Variants in BRINP3 observed in about 807,000 individuals in gnomAD.
BRINP3 encodes BMP/retinoic acid inducible neural specific 3.
A neutral mutation model predicts 71.0 loss-of-function variants in BRINP3; 19 were observed. The ratio of observed to expected loss-of-function variants is 0.27; its 90% CI spans 0.19 to 0.39. BRINP3 has a LOEUF of 0.39. Among genes scored for constraint, BRINP3 ranks in the 10% least tolerant of loss-of-function variants. The pLI is 1.00. For synonymous variants in BRINP3, 380 were observed against 337.7 expected, an observed-to-expected ratio of 1.13 and a Z score of -1.37; for missense variants, 959 against 940.8, an observed-to-expected ratio of 1.02 and a Z score of -0.25.
intron 6 of BRINP3, among the ~76,000 whole-genome samples, chr1:190,177,474 G>T (rs186490220): frequency 6.6e-6 from 1 of 151,368 alleles, no homozygotes; most frequent in African/African-American, 2.4e-5. Context: ...CACCACGCCC[G>T]GCCCGGGAGC....
intron 2 of BRINP3, among the ~76,000 whole-genome samples, chr1:190,336,868 TTCCC>T (rs1459555233): frequency 2.2e-5 from 3 of 137,232 alleles, no homozygotes; most frequent in Non-Finnish European, 4.7e-5. Context: ...CCTTCCTTCC[TTCCC>T]TCCTTCCTTC....
chr1:190,385,558 A>G (rs1035591688), intron 2 of BRINP3, among the ~76,000 whole-genome samples: 1 of 151,866 alleles, frequency 6.6e-6, no homozygotes, highest in Non-Finnish European at 1.5e-5. Flanking sequence ...TTAGAATGGC[A>G]ATCATTAAAA....
intron 6 of BRINP3, among the ~76,000 whole-genome samples, chr1:190,193,527 T>C (rs1464027591): frequency 6.6e-6 from 1 of 152,058 alleles, no homozygotes. Context: ...AAAATACATG[T>C]ACTAATCCCT....
At chr1:190,135,711 G>A (rs1274208202) in intron 7 of BRINP3, among the ~76,000 whole-genome samples, 2 of 152,018 alleles carry the variant, frequency 1.3e-5, no homozygotes, top group African/African-American at 4.8e-5. Context: ...TCATGATTTT[G>A]TAAAGGGGTA....
intron 4 of BRINP3, among the ~76,000 whole-genome samples, chr1:190,234,792 G>A (rs1658360274): frequency 6.6e-6 from 1 of 152,074 alleles, no homozygotes; most frequent in African/African-American, 2.4e-5. Context: ...ACTCCTTATG[G>A]AAGACAGCGA....
At chr1:190,135,891 A>G (rs189130673) in intron 7 of BRINP3, among the ~76,000 whole-genome samples, 175 of 152,186 alleles carry the variant, frequency 1.1e-3, no homozygotes, top group Non-Finnish European at 2.0e-3. Flanking sequence ...TAACTCTCTT[A>G]TCTCTATACC....
chr1:190,334,461 GT>G (rs1451181549), intron 2 of BRINP3, among the ~76,000 whole-genome samples: 7 of 151,580 alleles, frequency 4.6e-5, no homozygotes, highest in African/African-American at 1.7e-4. Flanking sequence ...TAATTTTCAG[GT>G]TTTGTTGTAT....
intron 7 of BRINP3, among the ~76,000 whole-genome samples, chr1:190,148,457 G>A (rs1048381593): frequency 2.6e-5 from 4 of 151,620 alleles, no homozygotes; most frequent in African/African-American, 4.8e-5. Context: ...CTAGCCGGGC[G>A]TGGTGGCGGG....
intron 2 of BRINP3, among the ~76,000 whole-genome samples, chr1:190,306,779 G>A (rs573718938): frequency 1.3e-4 from 20 of 151,824 alleles, no homozygotes; most frequent in Middle Eastern, 3.4e-3. Context: ...AAGAGACCAG[G>A]GAAAAGTGGG....
intron 6 of BRINP3, among the ~76,000 whole-genome samples, chr1:190,168,174 A>G (rs1475624762): frequency 6.6e-6 from 1 of 151,708 alleles, no homozygotes; most frequent in East Asian, 1.9e-4. Context: ...GCATTGACAA[A>G]TACATGACCA....
chr1:190,281,781 T>G (rs1285328082), intron 2 of BRINP3, 31 bp from the exon 3 acceptor site: 2 of 1,586,548 alleles, frequency 1.3e-6, no homozygotes, highest in South Asian at 2.3e-5. Context: ...TATTCATAAA[T>G]GCATAATCTA....
In BRINP3 at chr1:190,274,919, G is replaced by T. The variant is rs575181296; in HGVS notation, c.427+6641C>A. On this transcript the variant is annotated intron_variant, in intron 3 of 7. Transcript: ENST00000367462. The stretch of plus-strand genomic sequence containing the variant: ...GGATAGTTAAGAAATAGACATGTTG[G>T]CTTAACACCAATTGGCATCTGCAAG... Among the ~76,000 whole-genome samples, 8 of 151,726 alleles carry T rather than the reference G, an allele frequency of 5.3e-5. No homozygotes were observed. In the South Asian group the frequency reaches 1.0e-3, roughly 20 times the overall value.
At chr1:190,341,992 T>C (rs775610996) in intron 2 of BRINP3, among the ~76,000 whole-genome samples, 52 of 137,830 alleles carry the variant, frequency 3.8e-4, no homozygotes, top group East Asian at 6.6e-4. Flanking sequence ...CTGGACACTA[T>C]AGTGGAGGCC....
At chr1:190,331,777 T>TG (rs201606591) in intron 2 of BRINP3, among the ~76,000 whole-genome samples, 20,694 of 152,074 alleles carry the variant, frequency 0.14, 1,854 homozygotes, top group South Asian at 0.26. Context: ...CTCATACTTA[T>TG]ATTTGAATCA....
Position 190,477,495 on chromosome 1 carries a change from G to A in BRINP3, c.-98C>T, listed in dbSNP as rs1677573579. The stretch of plus-strand genomic sequence containing the variant: ...GAAGACTGTGAGAAAAATACATCCA[G>A]GATTCAAATAGATATTCCATGATCT... On this transcript the variant is annotated 5_prime_UTR_variant, in exon 1 of 8. Coordinates refer to ENST00000367462, the MANE Select transcript of BRINP3 (RefSeq NM_199051.3). The A allele has an allele frequency of 6.6e-6, 1 of 152,192 alleles. No homozygotes were observed. Among genetic ancestry groups the A allele is most frequent in the Non-Finnish European group, 1.5e-5 (1 of 68,052 alleles). The allele number at this position is 152,192 out of a possible 1,614,324, so 9.4% of individuals were successfully genotyped here.
chr1:190,475,760 A>G (rs781009400), intron 1 of BRINP3: 1 of 152,162 alleles, frequency 6.6e-6, no homozygotes, highest in Non-Finnish European at 1.5e-5. Flanking sequence ...TTCAGGTATA[A>G]TACAGCAAAA....
intron 4 of BRINP3, among the ~76,000 whole-genome samples, chr1:190,235,982 T>C (rs139256889): frequency 1.0e-3 from 153 of 151,998 alleles, no homozygotes; most frequent in African/African-American, 3.5e-3. Context: ...CCACAGAACA[T>C]ATTAAGTTCT....
chr1:190,151,236 T>C lies in BRINP3; in HGVS notation c.1184+9432A>G, dbSNP rs376755662. On this transcript the variant is annotated intron_variant, in intron 7 of 7. Coordinates refer to ENST00000367462, the MANE Select transcript of BRINP3 (RefSeq NM_199051.3). ...CCACTTATTCAAAAACAAGTAAAATTGTTTAGAAGTGATTCAAATATAGAT... is the reference window on the plus strand; with the variant it reads ...CCACTTATTCAAAAACAAGTAAAATCGTTTAGAAGTGATTCAAATATAGAT... Among the ~76,000 whole-genome samples the C allele has an allele frequency of 9.2e-5, 14 of 152,290 alleles. No individual in the cohort carries two copies. In the East Asian group the frequency reaches 1.9e-3, roughly 21 times the overall value.
intron 7 of BRINP3, among the ~76,000 whole-genome samples, chr1:190,115,304 A>T (rs1653037084): frequency 6.6e-6 from 1 of 152,156 alleles, no homozygotes; most frequent in Admixed American, 6.6e-5. Context: ...AAGTAGAAAC[A>T]TCTGTAGTTG....
Sources: allele counts gnomAD v4.1 joint callset (sites outside exome capture counted in the v4.1 genomes callset), GRCh38; gene constraint gnomAD v4.1.1; transcripts MANE v1.5; gene names NCBI Gene and HGNC (gene_info 2026-07-23, HGNC 2026-07-21).